The following CNOT6L variants were observed in gnomAD, a reference collection of about 807,000 sequenced individuals.
CNOT6L encodes the protein CCR4-NOT transcription complex subunit 6-like.
A neutral mutation model predicts 64.0 loss-of-function variants in CNOT6L; 7 were observed. That is an observed-to-expected ratio of 0.11 (90% CI 0.06 to 0.21). The LOEUF (loss-of-function observed/expected upper bound fraction) is 0.21, where lower values mean the gene tolerates loss of function less well. CNOT6L is among the 10% of genes least tolerant of loss of function. CNOT6L has a pLI of 1.00. For synonymous variants in CNOT6L, 193 were observed against 243.4 expected (o/e 0.79, Z 1.93); for missense variants, 245 against 669.0 (o/e 0.37, Z 6.99).
At chr4:77,752,392 GAACA>G (rs1182961327) in intron 5 of CNOT6L, among the ~76,000 whole-genome samples, 6 of 152,062 alleles carry the variant, frequency 3.9e-5, no homozygotes, top group East Asian at 1.9e-4. Flanking sequence ...ACAATATAAT[GAACA>G]AACAAACTAA....
At chr4:77,737,270 T>A (rs944102658) in intron 8 of CNOT6L, among the ~76,000 whole-genome samples, 2 of 152,138 alleles carry the variant, frequency 1.3e-5, no homozygotes, top group African/African-American at 4.8e-5. Flanking sequence ...ATATTCAGTA[T>A]AAAATGATAT....
chr4:77,818,061 A>C (rs1244594815), intron 1 of CNOT6L, among the ~76,000 whole-genome samples: 9 of 152,250 alleles, frequency 5.9e-5, no homozygotes, highest in Non-Finnish European at 4.4e-5. Context: ...GCACATACTG[A>C]GTAGACAACA....
At chr4:77,784,065 C>T (rs189728989) in intron 1 of CNOT6L, among the ~76,000 whole-genome samples, 1 of 152,150 alleles carries the variant, frequency 6.6e-6, no homozygotes, top group Admixed American at 6.5e-5. Flanking sequence ...AACTTTACGG[C>T]AATCCAGAGA....
At chr4:77,765,240 A>G (rs1726691955) in intron 4 of CNOT6L, among the ~76,000 whole-genome samples, 1 of 152,210 alleles carries the variant, frequency 6.6e-6, no homozygotes, top group African/African-American at 2.4e-5. Flanking sequence ...GCATGAAAAA[A>G]TCACCCCTTG....
In CNOT6L at chr4:77,718,912, ATT is replaced by A; in HGVS notation, c.*1517_*1518del. On this transcript the variant is annotated 3_prime_UTR_variant, in exon 12 of 12. Transcript: ENST00000504123. ...TATTAGTGAGACACAAATATAGGCTATTGTCTTTTAAAATTTCATTCACATAA... is the reference window on the plus strand; with the variant it reads ...TATTAGTGAGACACAAATATAGGCTAGTCTTTTAAAATTTCATTCACATAA... 2 of 152,686 alleles carry A rather than the reference ATT, an allele frequency of 1.3e-5. No homozygotes were observed. Among genetic ancestry groups the A allele is most frequent in the South Asian group, 4.1e-4 (2 of 4,826 alleles). 9.5% of individuals were successfully genotyped at this position (152,686 alleles called of 1,614,324 possible).
At chr4:77,768,470 A>AAAATATATATATAT (rs1727112716) in intron 4 of CNOT6L, among the ~76,000 whole-genome samples, 10 of 134,404 alleles carry the variant, frequency 7.4e-5, no homozygotes, top group African/African-American at 2.9e-4. Context: ...GTCTAAAATA[A>AAAATATATATATAT]ATAAATATAT....
intron 4 of CNOT6L, among the ~76,000 whole-genome samples, chr4:77,759,504 G>A (rs1248155863): frequency 6.6e-6 from 1 of 151,824 alleles, no homozygotes; most frequent in African/African-American, 2.4e-5. Flanking sequence ...GGCAGAGCTT[G>A]CAGTGAGCCG....
chr4:77,728,083 A>G (rs1478302228), intron 10 of CNOT6L, among the ~76,000 whole-genome samples: 1 of 152,228 alleles, frequency 6.6e-6, no homozygotes, highest in Non-Finnish European at 1.5e-5. Context: ...TGCAGAAATT[A>G]TTTTTATAAA....
At chr4:77,730,126 A>C (rs568008430) in intron 9 of CNOT6L, among the ~76,000 whole-genome samples, 2 of 152,146 alleles carry the variant, frequency 1.3e-5, no homozygotes, top group South Asian at 4.2e-4. Flanking sequence ...GCTTTGGGGG[A>C]AAAGACCTAA....
intron 1 of CNOT6L, among the ~76,000 whole-genome samples, chr4:77,786,118 T>C (rs1729413781): frequency 1.3e-5 from 2 of 151,948 alleles, no homozygotes; most frequent in East Asian, 1.9e-4. Context: ...CCGTCTCTAC[T>C]AAAAATGCAA....
At chr4:77,752,033 C>T (rs971205132) in intron 5 of CNOT6L, among the ~76,000 whole-genome samples, 3 of 152,064 alleles carry the variant, frequency 2.0e-5, no homozygotes, top group African/African-American at 4.8e-5. Flanking sequence ...ATTAGCCAGA[C>T]GTGGTGACGG....
chr4:77,795,367 T>C (rs2110123403), intron 1 of CNOT6L, among the ~76,000 whole-genome samples: 1 of 152,082 alleles, frequency 6.6e-6, no homozygotes, highest in East Asian at 1.9e-4. Context: ...AAAATAGAGA[T>C]TAATATGAAA....
At chr4:77,751,146 A>G (rs1045422663) in intron 5 of CNOT6L, among the ~76,000 whole-genome samples, 1 of 152,204 alleles carries the variant, frequency 6.6e-6, no homozygotes, top group Admixed American at 6.5e-5. Context: ...ACAAGTAATT[A>G]CAAATATCCC....
At chr4:77,814,440 C>T (rs1447609796) in intron 1 of CNOT6L, among the ~76,000 whole-genome samples, 3 of 152,130 alleles carry the variant, frequency 2.0e-5, no homozygotes, top group Non-Finnish European at 4.4e-5. Flanking sequence ...AATTGACATT[C>T]CATTTTATGT....
At chr4:77,790,016 T>G (rs998642690) in intron 1 of CNOT6L, among the ~76,000 whole-genome samples, 1 of 151,326 alleles carries the variant, frequency 6.6e-6, no homozygotes. Context: ...ATACAAATTT[T>G]TAAATATAAA....
At chr4:77,757,148 G>A (rs1725661366) in intron 4 of CNOT6L, among the ~76,000 whole-genome samples, 197 bp from the exon 5 acceptor site, 1 of 152,018 alleles carries the variant, frequency 6.6e-6, no homozygotes, top group African/African-American at 2.4e-5. Context: ...ATTTGGGCTT[G>A]TCCAAAACAT....
intron 1 of CNOT6L, among the ~76,000 whole-genome samples, chr4:77,804,031 T>C (rs781658158): frequency 2.9e-4 from 44 of 152,244 alleles, no homozygotes; most frequent in Non-Finnish European, 5.1e-4. Context: ...CTCTTAGGTA[T>C]ACACCCAAGA....
chr4:77,815,420 TC>T (rs1263435645), intron 1 of CNOT6L, among the ~76,000 whole-genome samples: 1 of 151,974 alleles, frequency 6.6e-6, no homozygotes, highest in African/African-American at 2.4e-5. Context: ...GATGAGAGCT[TC>T]CCCCTCCCAC....
intron 10 of CNOT6L, among the ~76,000 whole-genome samples, chr4:77,728,560 TGACA>T (rs1378417352): frequency 6.6e-6 from 1 of 152,202 alleles, no homozygotes; most frequent in African/African-American, 2.4e-5. Context: ...CAAGTTCTAA[TGACA>T]GACAGCTCCC....
Sources: allele counts gnomAD v4.1 joint callset (sites outside exome capture counted in the v4.1 genomes callset), GRCh38; gene constraint gnomAD v4.1.1; transcripts MANE v1.5; gene names NCBI Gene and HGNC (gene_info 2026-07-23, HGNC 2026-07-21).